Variants in PLVAP observed in about 807,000 individuals in gnomAD.
The protein encoded by PLVAP is plasmalemma vesicle-associated protein.
In PLVAP, 34 loss-of-function variants were observed where a neutral mutation model predicts 43.1. The ratio of observed to expected loss-of-function variants is 0.79; its 90% CI spans 0.60 to 1.05. The LOEUF is 1.05. Among genes scored for constraint, PLVAP ranks in the 50% least tolerant of loss-of-function variants. The pLI, the probability that PLVAP is intolerant of heterozygous loss-of-function variation, is 0.00. For synonymous variants in PLVAP, 241 were observed against 237.3 expected, an observed-to-expected ratio of 1.02 and a Z score of -0.14; for missense variants, 574 against 593.4, an observed-to-expected ratio of 0.97 and a Z score of 0.34.
Position 17,372,836 on chromosome 19 carries a change from G to T in PLVAP, c.369+4084C>A, listed in dbSNP as rs539020511. Among the ~76,000 whole-genome samples, 3 of 150,642 alleles carry T rather than the reference G, an allele frequency of 2.0e-5. No individual in the cohort carries two copies. The South Asian group carries it at 6.3e-4, about 32-fold the overall frequency. On this transcript the variant is annotated intron_variant, in intron 1 of 5. Transcript: ENST00000252590. ...TCCCAGCACTGGGAGGCCAAGGCGG[G>T]CGGATCACGAGGTCAGGAAATTGAG... is the stretch of plus-strand genomic sequence containing the variant.
chr19:17,364,447 C>T (rs2074540539), intron 3 of PLVAP, among the ~76,000 whole-genome samples: 1 of 152,078 alleles, frequency 6.6e-6, no homozygotes, highest in African/African-American at 2.4e-5. Flanking sequence ...GCTATCCTTC[C>T]ACCTTGGCCT....
Position 17,365,632 on chromosome 19 carries a change from A to C in PLVAP, c.833T>G (p.Leu278Arg). ...IRRACDHMPS[L>R]MSSKVEELAR... ...CAGCTCCTCCACCTTGGAGCTCATG[A>C]GGCTGGGCATGTGGTCGCAGGCTCT... Residue 278 changes from leucine to arginine, a missense_variant, in exon 3 of 6, where the codon CTC (leucine) becomes CGC (arginine). By Grantham distance (102) the Leu-to-Arg change is moderately radical. Transcript: ENST00000252590. 1.2e-6 allele frequency: 2 copies of C among 1,613,560 alleles called. No homozygotes were observed. Among genetic ancestry groups the C allele is most frequent in the Non-Finnish European group, 1.7e-6 (2 of 1,180,016 alleles).
intron 3 of PLVAP, among the ~76,000 whole-genome samples, chr19:17,361,390 G>A (rs564682047): frequency 1.4e-4 from 22 of 152,214 alleles, no homozygotes; most frequent in African/African-American, 4.8e-4. Flanking sequence ...TGATCACCTC[G>A]GCAGTCCTGA....
intron 5 of PLVAP, among the ~76,000 whole-genome samples, chr19:17,352,914 C>A (rs2074491991): frequency 6.6e-6 from 1 of 152,230 alleles, no homozygotes; most frequent in Admixed American, 6.5e-5. Context: ...CCCTGCCAGG[C>A]CTCCCCATCA....
intron 1 of PLVAP, among the ~76,000 whole-genome samples, chr19:17,374,994 G>A (rs2074589414): frequency 6.6e-6 from 1 of 152,022 alleles, no homozygotes; most frequent in South Asian, 2.1e-4. Flanking sequence ...AATAATTTTT[G>A]TATTTTTAGT....
chr19:17,365,894 G>C lies in PLVAP; in HGVS notation c.571C>G (p.Arg191Gly), dbSNP rs776368180. 1 of 1,614,038 alleles carries C rather than the reference G, an allele frequency of 6.2e-7. No homozygotes were observed. The highest frequency in any genetic ancestry group is 8.5e-7 in the Non-Finnish European group (1 of 1,180,042). ...KDKESVLLNKRVAEEQLVECV... is the reference protein window; with the variant it reads ...KDKESVLLNKGVAEEQLVECV... ...TCAACCAGCTGTTCCTCCGCCACGC[G>C]TTTGTTCAGCAGCACGCTTTCCTTA... The change falls in exon 3 of 6, where the codon CGC (arginine) becomes GGC (glycine). Residue 191 changes from arginine to glycine, a missense_variant. Arg to Gly is a moderately radical substitution (Grantham distance 125). Coordinates refer to ENST00000252590, the MANE Select transcript of PLVAP (RefSeq NM_031310.3).
chr19:17,376,519 C>T (rs995096168), intron 1 of PLVAP, among the ~76,000 whole-genome samples: 6 of 151,872 alleles, frequency 4.0e-5, no homozygotes, highest in Admixed American at 2.0e-4. Flanking sequence ...ATCTATCGGC[C>T]GGGTGCAGTG....
chr19:17,366,312 G>C, intron 1 of PLVAP, 117 bp from the exon 2 acceptor site: 1 of 888,338 alleles, frequency 1.1e-6, no homozygotes, highest in Non-Finnish European at 1.8e-6. Flanking sequence ...CAAGGGCATG[G>C]TCCCTTTATG....
chr19:17,351,907 C>T lies in PLVAP; in HGVS notation c.*455G>A, dbSNP rs187954105. On this transcript the variant is annotated 3_prime_UTR_variant, in exon 6 of 6. Coordinates refer to ENST00000252590, the MANE Select transcript of PLVAP (RefSeq NM_031310.3). ...TTGTCACTGTGTCTGTGTGTGACAT[C>T]ATCACCGTCTGTGTGATGCCATCGC... The T allele has an allele frequency of 1.5e-4, 30 of 205,246 alleles. No homozygotes were observed. The highest frequency in any genetic ancestry group is 4.8e-4 in the Admixed American group (9 of 18,848). 12.7% of individuals were successfully genotyped at this position (205,246 alleles called of 1,614,324 possible).
rs143339746 is a variant in PLVAP, at chr19:17,368,802, C to T, written c.370-2607G>A. Among the ~76,000 whole-genome samples, 122 of 152,200 alleles carry T rather than the reference C, an allele frequency of 8.0e-4. 1 individual carries two copies. Among genetic ancestry groups the T allele is most frequent in the African/African-American group, 2.6e-3 (106 of 41,562 alleles). ...AGCAACCTGGCCAAGATGGTGAAAT[C>T]CCATCTCTACTAAAAATACAAAAAA... On this transcript the variant is annotated intron_variant, in intron 1 of 5. Transcript: ENST00000252590.
chr19:17,352,443 G>T, intron 5 of PLVAP, 75 bp from the exon 6 acceptor site: 2 of 1,526,870 alleles, frequency 1.3e-6, no homozygotes, highest in Non-Finnish European at 9.1e-7. Context: ...GGCCCTGGAG[G>T]CTCGTCCTCA....
intron 5 of PLVAP, among the ~76,000 whole-genome samples, 165 bp from the exon 6 acceptor site, chr19:17,352,533 C>T (rs2074490660): frequency 6.6e-6 from 1 of 152,082 alleles, no homozygotes; most frequent in Admixed American, 6.5e-5. Flanking sequence ...AACCCCAGGG[C>T]TCCTTCGGGT....
At chr19:17,354,545 C>T (rs1187909589) in intron 5 of PLVAP, among the ~76,000 whole-genome samples, 1 of 143,868 alleles carries the variant, frequency 7.0e-6, no homozygotes, top group East Asian at 2.1e-4. Flanking sequence ...TACAGTGAGC[C>T]GAGATGGCAC....
In PLVAP at chr19:17,352,450, C is replaced by T. The variant is rs115692624; in HGVS notation, c.1323-82G>A. ...CCTCGCCGGGCCCTGGAGGCTCGTC[C>T]TCAGCGGGGACACAACATCCTGGGG... On this transcript the variant is annotated intron_variant, in intron 5 of 5. Transcript: ENST00000252590. The T allele has an allele frequency of 8.9e-4, 1,324 of 1,493,614 alleles. 10 individuals are homozygous for T. The African/African-American group carries it at 0.016, about 18-fold the overall frequency. The allele number at this position is 1,493,614 out of a possible 1,614,324, so 92.5% of individuals were successfully genotyped here.
Position 17,365,844 on chromosome 19 carries a change from C to T in PLVAP, c.621G>A (p.Gln207=), listed in dbSNP as rs1268547012. Residue 207 remains glutamine (Q), a synonymous_variant, in exon 3 of 6, where the codon CAG becomes CAA. Coordinates refer to ENST00000252590, the MANE Select transcript of PLVAP (RefSeq NM_031310.3). ...CCTTGGCCAGCTGGCGCTCTTGGTG[C>T]TGCAGCTCCCGGGTTTTCACGCATT... is the stretch of plus-strand genomic sequence containing the variant. The part of the protein sequence containing the change: ...LVECVKTREL[Q]HQERQLAKEQ... The T allele has an allele frequency of 6.2e-7, 1 of 1,614,172 alleles. No homozygotes were observed.
At chr19:17,360,455 C>G in intron 5 of PLVAP, 73 bp downstream of exon 5, 1 of 1,481,626 alleles carries the variant, frequency 6.7e-7, no homozygotes, top group East Asian at 2.3e-5. Flanking sequence ...CAGCCTCCCT[C>G]CACCCTCAGT....
At chr19:17,372,542 C>T (rs550589673) in intron 1 of PLVAP, among the ~76,000 whole-genome samples, 168 of 149,924 alleles carry the variant, frequency 1.1e-3, no homozygotes, top group African/African-American at 3.8e-3. Context: ...CTGCAAGCTC[C>T]GCCTCCCGGG....
At chr19:17,376,422 T>C (rs552328761) in intron 1 of PLVAP, among the ~76,000 whole-genome samples, 3 of 150,236 alleles carry the variant, frequency 2.0e-5, no homozygotes, top group Admixed American at 2.0e-4. Context: ...TCCAGGAGAT[T>C]GAGGTTGCAG....
intron 1 of PLVAP, among the ~76,000 whole-genome samples, chr19:17,368,438 C>CCA (rs2074558929): frequency 9.2e-5 from 14 of 151,982 alleles, no homozygotes; most frequent in African/African-American, 3.4e-4. Flanking sequence ...TTTCAAACTC[C>CCA]TGACCTCAGG....
Sources: gnomAD v4.1 joint callset for allele counts (sites outside exome capture counted in the v4.1 genomes callset) on GRCh38, gnomAD v4.1.1 for gene constraint, MANE v1.5 for transcripts, NCBI Gene and HGNC (gene_info 2026-07-23, HGNC 2026-07-21) for gene names.